ZNF235: variants seen among roughly 807,000 people sequenced by gnomAD.
ZNF235 encodes the protein zfp-93.
In ZNF235, 25 loss-of-function variants were observed where a neutral mutation model predicts 29.4. The observed-to-expected ratio is 0.85, with a 90% confidence interval of 0.62 to 1.19. The LOEUF (loss-of-function observed/expected upper bound fraction) is 1.19. ZNF235 is among the 50% of genes most tolerant of loss of function. The pLI, the probability that ZNF235 is intolerant of heterozygous loss-of-function variation, is 0.00. For synonymous variants in ZNF235, 300 were observed against 295.3 expected, an observed-to-expected ratio of 1.02 and a Z score of -0.16; for missense variants, 788 against 885.0, an observed-to-expected ratio of 0.89 and a Z score of 1.39.
intron 4 of ZNF235, among the ~76,000 whole-genome samples, chr19:44,293,151 A>G (rs562755691): frequency 6.6e-6 from 1 of 152,234 alleles, no homozygotes; most frequent in Admixed American, 6.5e-5. Context: ...GCCTTATAAA[A>G]TAATTACACA....
chr19:44,289,793 C>T (rs537356485), intron 4 of ZNF235: 3 of 152,272 alleles, frequency 2.0e-5, no homozygotes, highest in East Asian at 3.9e-4. Context: ...GCAACTGAAT[C>T]GTAAGTAGCA....
rs151117667 is a variant in ZNF235, at chr19:44,294,769, C to T, written c.238+4039G>A. On this transcript the variant is annotated intron_variant, in intron 4 of 4. Transcript: ENST00000291182. The stretch of plus-strand genomic sequence containing the variant: ...TCGAGTGGGTTTTATTCCAAGGATG[C>T]GAGAATGGTTCAACATACACAAACC... Among the ~76,000 whole-genome samples, 81 of 151,122 alleles carry T rather than the reference C, an allele frequency of 5.4e-4. 1 individual carries two copies. In the East Asian group the frequency reaches 0.012, roughly 22 times the overall value.
At position 44,299,768 on chromosome 19, in the gene ZNF235, C is replaced by T. The variant is rs76225751; in HGVS notation, c.16-36G>A. ...AAGCACATGTAACCTCAATCTCACA[C>T]CCAATGGCCACTGGCACCTAAGCAA... is the stretch of plus-strand genomic sequence containing the variant. On this transcript the variant is annotated intron_variant, in intron 2 of 4. Coordinates refer to ENST00000291182, the MANE Select transcript of ZNF235 (RefSeq NM_004234.4). 1.1e-5 allele frequency: 17 copies of T among 1,613,052 alleles called. No individual in the cohort carries two copies. The East Asian group carries it at 2.5e-4, about 23-fold the overall frequency.
At chr19:44,302,272 T>A (rs939363483) in intron 2 of ZNF235, among the ~76,000 whole-genome samples, 5 of 152,114 alleles carry the variant, frequency 3.3e-5, no homozygotes, top group African/African-American at 1.2e-4. Context: ...CTATTGTCAA[T>A]GTCCTTAAAA....
rs990292048 is a variant in ZNF235, at chr19:44,304,982, A to G, written c.-60T>C. ...CGGAGCTGACTCACCTCCCTGGGAG[A>G]TATCTCAGATCCGACCTCGCCTTCC... On this transcript the variant is annotated 5_prime_UTR_variant, in exon 1 of 5. Transcript: ENST00000291182. 6.1e-6 allele frequency: 6 copies of G among 978,368 alleles called. No individual in the cohort carries two copies. The highest frequency in any genetic ancestry group is 7.3e-6 in the Non-Finnish European group (6 of 823,640). 60.6% of individuals were successfully genotyped at this position (978,368 alleles called of 1,614,324 possible).
rs1267404273 is a variant in ZNF235, at chr19:44,298,848, A to T, written c.198T>A (p.Leu66=). ...TTTGGGTTTGAAGCTCCTTCATCCAAAGCTTTTCTTCCCTCTCCAACTGGG... is the reference window on the plus strand; with the variant it reads ...TTTGGGTTTGAAGCTCCTTCATCCATAGCTTTTCTTCCCTCTCCAACTGGG... The part of the protein sequence containing the change: ...MISQLEREEK[L]WMKELQTQRG... Residue 66 remains leucine, a synonymous_variant, in exon 4 of 5, where the codon CTT becomes CTA. Coordinates refer to ENST00000291182, the MANE Select transcript of ZNF235 (RefSeq NM_004234.4). 3 of 1,614,128 alleles carry T rather than the reference A, an allele frequency of 1.9e-6. No individual in the cohort carries two copies. Among genetic ancestry groups the T allele is most frequent in the Middle Eastern group, 3.3e-4 (2 of 6,062 alleles).
intron 4 of ZNF235, chr19:44,289,876 G>C (rs189135660): frequency 6.6e-6 from 1 of 152,286 alleles, no homozygotes; most frequent in East Asian, 1.9e-4. Flanking sequence ...CTAGAAACAT[G>C]CTCAAAATAA....
intron 2 of ZNF235, 59 bp from the exon 3 acceptor site, chr19:44,299,791 C>T (rs867541119): frequency 1.2e-6 from 2 of 1,610,898 alleles, no homozygotes; most frequent in Non-Finnish European, 1.7e-6. Context: ...GGCACCTAAG[C>T]AACTCTTTCT....
chr19:44,290,639 A>C (rs1350575001), intron 4 of ZNF235: 4 of 154,100 alleles, frequency 2.6e-5, no homozygotes, highest in African/African-American at 9.6e-5. Flanking sequence ...GCACCTGGCC[A>C]AGATCTGCAG....
At chr19:44,300,405 T>C (rs557912082) in intron 2 of ZNF235, among the ~76,000 whole-genome samples, 2 of 152,354 alleles carry the variant, frequency 1.3e-5, no homozygotes, top group East Asian at 3.9e-4. Context: ...CATAGCTGCA[T>C]GATAGTCCAT....
Position 44,301,707 on chromosome 19 carries a change from G to C in ZNF235, c.15+1683C>G, listed in dbSNP as rs1975739392. Among the ~76,000 whole-genome samples the C allele has an allele frequency of 2.0e-5, 3 of 152,258 alleles. No individual in the cohort carries two copies. The South Asian group carries it at 6.2e-4, about 32-fold the overall frequency. On this transcript the variant is annotated intron_variant, in intron 2 of 4. Coordinates refer to ENST00000291182, the MANE Select transcript of ZNF235 (RefSeq NM_004234.4). ...GCTGATCTCGAACTCCTGACCTCAA[G>C]TGATCCACCTCAGCCCCAAAGTGCT...
chr19:44,297,336 T>C, intron 4 of ZNF235: 1 of 158,408 alleles, frequency 6.3e-6, no homozygotes, highest in Non-Finnish European at 1.4e-5. Flanking sequence ...GGCCCAACCC[T>C]GGAGTGGCTG....
intron 4 of ZNF235, among the ~76,000 whole-genome samples, chr19:44,292,007 T>C (rs756863748): frequency 8.5e-5 from 13 of 152,050 alleles, no homozygotes; most frequent in Non-Finnish European, 1.5e-4. Flanking sequence ...CTTAACAAAA[T>C]GTGATCAAAT....
In ZNF235 at chr19:44,288,463, A is replaced by G. The variant is rs2123089943; in HGVS notation, c.972T>C (p.Cys324=). ...TGKKRYWCHE[C]GKGFSQSSNL... ...TTGAGCTCTGACTGAAACCTTTACC[A>G]CATTCATGACACCAATAGCGTTTTT... The change falls in exon 5 of 5, where the codon TGT becomes TGC. Residue 324 remains cysteine (C), a synonymous_variant. Coordinates refer to ENST00000291182, the MANE Select transcript of ZNF235 (RefSeq NM_004234.4). The G allele has an allele frequency of 1.9e-6, 3 of 1,614,206 alleles. No individual in the cohort carries two copies. The highest frequency in any genetic ancestry group is 2.5e-6 in the Non-Finnish European group (3 of 1,180,030).
intron 2 of ZNF235, among the ~76,000 whole-genome samples, chr19:44,301,905 C>G (rs1324385271): frequency 2.6e-5 from 4 of 152,224 alleles, no homozygotes; most frequent in African/African-American, 9.7e-5. Flanking sequence ...CCATCTACAT[C>G]CTCACAAAGC....
chr19:44,302,817 CTTATATATATAT>C (rs1975757014), intron 2 of ZNF235, among the ~76,000 whole-genome samples: 1 of 123,838 alleles, frequency 8.1e-6, no homozygotes, highest in African/African-American at 3.5e-5. Context: ...TATATATATA[CTTATATATATAT>C]AACTATATAC....
chr19:44,291,037 C>G (rs1169575196), intron 4 of ZNF235: 1 of 152,116 alleles, frequency 6.6e-6, no homozygotes, highest in Non-Finnish European at 1.5e-5. Flanking sequence ...AGGCTTGAAG[C>G]AATATTATCA....
At chr19:44,304,099 A>C (rs936930039) in intron 1 of ZNF235, among the ~76,000 whole-genome samples, 1 of 152,168 alleles carries the variant, frequency 6.6e-6, no homozygotes, top group African/African-American at 2.4e-5. Context: ...TTAAACTGCC[A>C]CAGGTTTTTT....
intron 4 of ZNF235, among the ~76,000 whole-genome samples, chr19:44,293,631 A>C (rs1354617923): frequency 3.3e-5 from 5 of 152,158 alleles, no homozygotes; most frequent in Non-Finnish European, 4.4e-5. Flanking sequence ...TCTTCTGATT[A>C]GTGCATGGAG....
Sources: allele counts gnomAD v4.1 joint callset (sites outside exome capture counted in the v4.1 genomes callset), GRCh38; gene constraint gnomAD v4.1.1; transcripts MANE v1.5; gene names NCBI Gene and HGNC (gene_info 2026-07-23, HGNC 2026-07-21).